The following TMEM40 variants were observed in gnomAD, a reference collection of about 807,000 sequenced individuals.
TMEM40 encodes transmembrane protein 40.
In TMEM40, 34 loss-of-function variants were observed where a neutral mutation model predicts 40.8. The ratio of observed to expected loss-of-function variants is 0.83; its 90% CI spans 0.63 to 1.11. The LOEUF is 1.11. TMEM40 is among the 50% of genes least tolerant of loss of function. TMEM40 has a pLI of 0.00. For synonymous variants in TMEM40, 106 were observed against 107.0 expected (o/e 0.99, Z 0.06); for missense variants, 296 against 280.2 (o/e 1.06, Z -0.40).
At chr3:12,755,392 C>T (rs1575744279) in intron 1 of TMEM40, among the ~76,000 whole-genome samples, 1 of 151,774 alleles carries the variant, frequency 6.6e-6, no homozygotes, top group African/African-American at 2.4e-5. Flanking sequence ...TCTCCTGCCT[C>T]AGCCTCCCAA....
At chr3:12,764,923 G>C (rs145153949) in intron 1 of TMEM40, among the ~76,000 whole-genome samples, 2,507 of 152,122 alleles carry the variant, frequency 0.016, 55 homozygotes, top group African/African-American at 0.056. Flanking sequence ...CCAGGGTGGA[G>C]TGCAGTGGCG....
upstream of TMEM40, among the ~76,000 whole-genome samples, chr3:12,761,010 TATAGGCGTAAGCCACTGC>T (rs2061565486): frequency 6.6e-6 from 1 of 152,392 alleles, no homozygotes; most frequent in Admixed American, 6.5e-5. Context: ...AGCTCTGGAT[TATAGGCGTAAGCCACTGC>T]ATCTGGCCCT....
At chr3:12,758,810 A>C (rs1309668215) in intron 1 of TMEM40, among the ~76,000 whole-genome samples, 1 of 152,212 alleles carries the variant, frequency 6.6e-6, no homozygotes, top group African/African-American at 2.4e-5. Context: ...GTTAGGTTCC[A>C]TAACAGTGAG....
intron 2 of TMEM40, 115 bp from the exon 3 acceptor site, chr3:12,748,907 ATCT>A: frequency 1.1e-6 from 1 of 880,360 alleles, no homozygotes; most frequent in Non-Finnish European, 1.8e-6. Context: ...GGACTGGATT[ATCT>A]TCCCAAATAT....
chr3:12,768,918 C>A (rs58984087), intron 1 of TMEM40, among the ~76,000 whole-genome samples: 5 of 12,692 alleles, frequency 3.9e-4, no homozygotes, highest in East Asian at 4.0e-3. Context: ...GGGCCGGGGC[C>A]GGGGCCGGGG....
chr3:12,765,614 C>T (rs981054940), intron 1 of TMEM40, among the ~76,000 whole-genome samples: 16 of 146,270 alleles, frequency 1.1e-4, no homozygotes, highest in African/African-American at 4.1e-4. Flanking sequence ...GTTGCCCAGG[C>T]TGGAGTGCAG....
At chr3:12,764,444 A>G (rs1390396520) in intron 1 of TMEM40, among the ~76,000 whole-genome samples, 1 of 152,176 alleles carries the variant, frequency 6.6e-6, no homozygotes, top group African/African-American at 2.4e-5. Flanking sequence ...GTCTCTTTCT[A>G]TGCCTTCATG....
intron 1 of TMEM40, among the ~76,000 whole-genome samples, chr3:12,766,145 C>A (rs1204466252): frequency 1.3e-5 from 2 of 151,840 alleles, no homozygotes; most frequent in South Asian, 2.1e-4. Flanking sequence ...CAGGCATGAG[C>A]CACTGTGCCT....
rs1304099712 is a variant in TMEM40 at position 12,733,839 on chromosome 3, A to G, written c.*935T>C. The G allele has an allele frequency of 6.6e-6, 1 of 152,062 alleles. No homozygotes were observed. The highest frequency in any genetic ancestry group is 1.5e-5 in the Non-Finnish European group (1 of 68,020). The allele number at this position is 152,062 out of a possible 1,614,324, so 9.4% of individuals were successfully genotyped here. A position where few individuals can be genotyped will look rare whatever the true frequency, so the allele number is the denominator to read the frequency against. ...ATACATATGTTAATTAGCTTGATTT[A>G]GCCATTCCACATATTTCAAAACATG... On this transcript the variant is annotated 3_prime_UTR_variant, in exon 12 of 12. Coordinates refer to ENST00000314124, the MANE Select transcript of TMEM40 (RefSeq NM_018306.4).
intron 1 of TMEM40, among the ~76,000 whole-genome samples, chr3:12,755,233 C>CTCTCTCTCTCTCTCTCTT (rs1553634013): frequency 3.3e-5 from 2 of 59,964 alleles, no homozygotes; most frequent in African/African-American, 1.4e-4. Context: ...CTCTCTCTCT[C>CTCTCTCTCTCTCTCTCTT]TCTTTCTTTC....
At position 12,735,500 on chromosome 3, in the gene TMEM40, A is replaced by G. The variant is rs534641725; in HGVS notation, c.682+55T>C. 1.2e-5 allele frequency: 19 copies of G among 1,566,774 alleles called. No individual in the cohort carries two copies. In the African/African-American group the frequency reaches 1.4e-4, roughly 11 times the overall value. On this transcript the variant is annotated intron_variant, in intron 11 of 11. Transcript: ENST00000314124. Reference sequence around the variant, plus strand: ...TCCTGTATGCTAAGCCTCTTTCTAAATGAAGACCCTGCTAGGGAGAAAATG... The same window carrying G: ...TCCTGTATGCTAAGCCTCTTTCTAAGTGAAGACCCTGCTAGGGAGAAAATG...
intron 1 of TMEM40, among the ~76,000 whole-genome samples, chr3:12,752,287 G>A (rs2061483600): frequency 1.3e-5 from 2 of 152,154 alleles, no homozygotes; most frequent in African/African-American, 2.4e-5. Flanking sequence ...TGCAGCCTAA[G>A]TAGGGACTAA....
intron 1 of TMEM40, among the ~76,000 whole-genome samples, chr3:12,752,063 C>T (rs1035259882): frequency 4.6e-5 from 7 of 152,326 alleles, no homozygotes; most frequent in African/African-American, 1.7e-4. Context: ...CTATTCCCCA[C>T]TCCCCTAAAC....
chr3:12,752,295 T>G (rs1009263358), intron 1 of TMEM40, among the ~76,000 whole-genome samples: 1 of 152,122 alleles, frequency 6.6e-6, no homozygotes, highest in Non-Finnish European at 1.5e-5. Flanking sequence ...AAGTAGGGAC[T>G]AAGGCTGATT....
At chr3:12,755,930 T>C (rs1423131370) in intron 1 of TMEM40, among the ~76,000 whole-genome samples, 2 of 152,178 alleles carry the variant, frequency 1.3e-5, no homozygotes, top group African/African-American at 4.8e-5. Context: ...AAAGAGTCTC[T>C]GCAAAGAAAC....
At chr3:12,738,791 C>T (rs548461136) in intron 5 of TMEM40, 13 of 565,578 alleles carry the variant, frequency 2.3e-5, no homozygotes, top group East Asian at 8.8e-5. Context: ...GCTGTAGGAA[C>T]GCCTACCCAC....
In TMEM40 at chr3:12,748,749, G is replaced by T; in HGVS notation, c.117C>A (p.Leu39=). The T allele has an allele frequency of 6.2e-7, 1 of 1,614,188 alleles. No individual in the cohort carries two copies. The change falls in exon 3 of 12, where the codon CTC becomes CTA. Residue 39 remains leucine, a synonymous_variant. Transcript: ENST00000314124. ...DFHKQDGKAG[L]FSQEQYERNK... ...TTCTCTCATATTGTTCTTGGGAAAA[G>T]AGTCCAGCCTTCCCATCTTGCTTGT...
chr3:12,766,797 G>C (rs955833828), intron 1 of TMEM40, among the ~76,000 whole-genome samples: 8 of 152,166 alleles, frequency 5.3e-5, no homozygotes, highest in African/African-American at 1.7e-4. Context: ...CACAGGTCTA[G>C]AGGGTAAAAG....
At chr3:12,751,700 G>A (rs1038144242) in intron 1 of TMEM40, among the ~76,000 whole-genome samples, 1 of 152,082 alleles carries the variant, frequency 6.6e-6, no homozygotes, top group Admixed American at 6.6e-5. Context: ...AAGCCTCCAG[G>A]GCATATTTCT....
Sources: allele counts gnomAD v4.1 joint callset (sites outside exome capture counted in the v4.1 genomes callset), GRCh38; gene constraint gnomAD v4.1.1; transcripts MANE v1.5; gene names NCBI Gene and HGNC (gene_info 2026-07-23, HGNC 2026-07-21).